AGBL4: variants seen among roughly 807,000 people sequenced by gnomAD.
AGBL4 encodes the protein cytosolic carboxypeptidase 6.
A neutral mutation model predicts 66.4 loss-of-function variants in AGBL4; 58 were observed. The observed-to-expected ratio is 0.87, with a 90% CI of 0.71 to 1.09. The LOEUF is 1.09. Ranked by LOEUF, AGBL4 falls within the 50% of genes least tolerant of loss-of-function variation. The pLI is 0.00. For missense variants in AGBL4, 579 were observed against 631.0 expected, an observed-to-expected ratio of 0.92 and a Z score of 0.88; for synonymous variants, 234 against 222.9, an observed-to-expected ratio of 1.05 and a Z score of -0.44.
At chr1:50,010,225 T>G (rs1661431212) in intron 1 of AGBL4, among the ~76,000 whole-genome samples, 1 of 151,852 alleles carries the variant, frequency 6.6e-6, no homozygotes, top group Non-Finnish European at 1.5e-5. Context: ...GAGAATCACT[T>G]GAACCTGGGA....
At chr1:48,639,332 T>A (rs893155062) in intron 8 of AGBL4, among the ~76,000 whole-genome samples, 1 of 152,162 alleles carries the variant, frequency 6.6e-6, no homozygotes, top group Admixed American at 6.5e-5. Flanking sequence ...ACAAAACATC[T>A]TAGTAAAGAT....
chr1:49,556,971 C>T (rs563956833), intron 3 of AGBL4, among the ~76,000 whole-genome samples: 2 of 152,134 alleles, frequency 1.3e-5, no homozygotes, highest in Non-Finnish European at 2.9e-5. Flanking sequence ...TGCCTGGGGC[C>T]GGCGGTGCCT....
At chr1:50,016,204 G>C (rs1465784788) in intron 1 of AGBL4, among the ~76,000 whole-genome samples, 1 of 152,178 alleles carries the variant, frequency 6.6e-6, no homozygotes. Flanking sequence ...TACAGAATGG[G>C]AGAAAACTTT....
intron 5 of AGBL4, among the ~76,000 whole-genome samples, chr1:49,038,140 A>C (rs190169995): frequency 1.3e-5 from 2 of 152,260 alleles, no homozygotes; most frequent in East Asian, 3.9e-4. Context: ...TGAAGACATG[A>C]ATCTGTTTTC....
chr1:49,267,524 C>CA (rs1294368433), intron 3 of AGBL4, among the ~76,000 whole-genome samples: 1 of 151,916 alleles, frequency 6.6e-6, no homozygotes, highest in Admixed American at 6.6e-5. Context: ...ATTAAAAATA[C>CA]AAAAAATTAG....
intron 5 of AGBL4, among the ~76,000 whole-genome samples, chr1:49,015,417 A>T (rs1451932650): frequency 7.0e-6 from 1 of 142,448 alleles, no homozygotes; most frequent in Non-Finnish European, 1.5e-5. Flanking sequence ...ATAGGATTTC[A>T]AGTAATTTTT....
At position 48,924,774 on chromosome 1, in the gene AGBL4, A is replaced by G. The variant is rs561401081; in HGVS notation, c.595-57544T>C. On this transcript the variant is annotated intron_variant, in intron 5 of 13. Coordinates refer to ENST00000371839, the MANE Select transcript of AGBL4 (RefSeq NM_032785.4). Reference sequence around the variant, plus strand: ...GGTCATGTGTCTCATCTCTGACTCCATGGATAGATGTCTCTTTCAAACCAC... The same window carrying G: ...GGTCATGTGTCTCATCTCTGACTCCGTGGATAGATGTCTCTTTCAAACCAC... Among the ~76,000 whole-genome samples the G allele has an allele frequency of 1.7e-3, 260 of 152,234 alleles. 1 individual carries two copies. The highest frequency in any genetic ancestry group is 5.9e-3 in the African/African-American group (244 of 41,570).
At chr1:49,159,995 C>T (rs1646509901) in intron 4 of AGBL4, among the ~76,000 whole-genome samples, 1 of 152,136 alleles carries the variant, frequency 6.6e-6, no homozygotes, top group Admixed American at 6.6e-5. Context: ...AGCTTCCTTG[C>T]ATTGGGTTAG....
In AGBL4 at chr1:49,706,354, C is replaced by T. The variant is rs533302144; in HGVS notation, c.158-8917G>A. Among the ~76,000 whole-genome samples, 7 of 152,206 alleles carry T rather than the reference C, an allele frequency of 4.6e-5. No homozygotes were observed. In the East Asian group the frequency reaches 1.3e-3, roughly 29 times the overall value. On this transcript the variant is annotated intron_variant, in intron 2 of 13. Transcript: ENST00000371839. ...TCTGCATAGAGGTGTTTAAATTATT[C>T]TCTGATGGTAGTTTGTATTTCTGTG...
intron 1 of AGBL4, among the ~76,000 whole-genome samples, chr1:50,016,348 G>A (rs1184464437): frequency 6.6e-6 from 1 of 152,184 alleles, no homozygotes; most frequent in Non-Finnish European, 1.5e-5. Context: ...GATCACCTAA[G>A]GTCAGGAGTT....
chr1:49,503,007 G>T (rs1338119915), intron 3 of AGBL4, among the ~76,000 whole-genome samples: 2 of 152,100 alleles, frequency 1.3e-5, no homozygotes, highest in Non-Finnish European at 2.9e-5. Flanking sequence ...TGCTTCCAGG[G>T]CATGTCACAG....
chr1:49,786,774 T>C (rs1644464609), intron 2 of AGBL4, among the ~76,000 whole-genome samples: 1 of 152,212 alleles, frequency 6.6e-6, no homozygotes. Context: ...TCTCAAATTT[T>C]ACTATAGGTA....
intron 4 of AGBL4, among the ~76,000 whole-genome samples, chr1:49,127,654 A>G (rs1344598796): frequency 6.6e-6 from 1 of 152,118 alleles, no homozygotes; most frequent in African/African-American, 2.4e-5. Context: ...TCCTAGAGAT[A>G]ACAGAGACAT....
chr1:49,511,402 C>A (rs1315039750), intron 3 of AGBL4, among the ~76,000 whole-genome samples: 2 of 134,396 alleles, frequency 1.5e-5, no homozygotes, highest in Admixed American at 1.8e-4. Flanking sequence ...GGGAATTGAA[C>A]AATGAGATCA....
chr1:49,561,596 T>A (rs1553227362), intron 3 of AGBL4, among the ~76,000 whole-genome samples: 1 of 152,050 alleles, frequency 6.6e-6, no homozygotes, highest in Non-Finnish European at 1.5e-5. Context: ...CTGAGAATGA[T>A]GGTTTCCAGC....
intron 6 of AGBL4, among the ~76,000 whole-genome samples, chr1:48,672,503 T>A (rs1259899509): frequency 6.6e-6 from 1 of 152,192 alleles, no homozygotes; most frequent in Non-Finnish European, 1.5e-5. Context: ...GCCCCTCCAA[T>A]GGTTTTATTG....
intron 6 of AGBL4, among the ~76,000 whole-genome samples, chr1:48,774,783 G>C (rs1644995933): frequency 6.6e-6 from 1 of 152,170 alleles, no homozygotes; most frequent in African/African-American, 2.4e-5. Context: ...AGTGCCTGAA[G>C]AGTCAAGCAC....
intron 3 of AGBL4, among the ~76,000 whole-genome samples, chr1:49,451,322 T>C (rs990873248): frequency 1.3e-5 from 2 of 152,046 alleles, no homozygotes; most frequent in African/African-American, 4.8e-5. Context: ...AATATTCCTA[T>C]TCAAGCATAA....
chr1:48,641,175 T>A (rs1645748910), intron 8 of AGBL4, among the ~76,000 whole-genome samples: 1 of 152,196 alleles, frequency 6.6e-6, no homozygotes, highest in Admixed American at 6.5e-5. Context: ...ATTGCTTTAT[T>A]TAATGCCACT....
Sources: gnomAD v4.1 joint callset for allele counts (sites outside exome capture counted in the v4.1 genomes callset) on GRCh38, gnomAD v4.1.1 for gene constraint, MANE v1.5 for transcripts, NCBI Gene and HGNC (gene_info 2026-07-23, HGNC 2026-07-21) for gene names.